NUP43: variants seen among roughly 807,000 people sequenced by gnomAD.
NUP43 encodes nucleoporin 43, also known as nucleoporin Nup43.
A neutral mutation model predicts 47.3 loss-of-function variants in NUP43; 32 were observed. The observed-to-expected ratio is 0.68, with a 90% CI of 0.51 to 0.91. The LOEUF is 0.91. Among genes scored for constraint, NUP43 ranks in the 40% least tolerant of loss-of-function variants. The pLI, the probability that NUP43 is intolerant of heterozygous loss-of-function variation, is 0.00. For missense variants in NUP43, 444 were observed against 453.9 expected (o/e 0.98, Z 0.20); for synonymous variants, 147 against 158.4 (o/e 0.93, Z 0.54).
At chr6:149,731,933 G>A (rs914503314) in intron 6 of NUP43, among the ~76,000 whole-genome samples, 198 bp from the exon 7 acceptor site, 4 of 152,024 alleles carry the variant, frequency 2.6e-5, no homozygotes, top group Non-Finnish European at 2.9e-5. Flanking sequence ...ACATAGAAAG[G>A]AAAAAGAACA....
chr6:149,736,636 TA>T lies in NUP43; in HGVS notation c.639-15del. 3 of 1,566,754 alleles carry T rather than the reference TA, an allele frequency of 1.9e-6. No individual in the cohort carries two copies. The highest frequency in any genetic ancestry group is 3.4e-4 in the Middle Eastern group (2 of 5,898). ...CGGTCACCAGTCCTTTTGTGGGAGATAACAATGACGTCAAAATCAAATAAAG... is the reference window on the plus strand; with the variant it reads ...CGGTCACCAGTCCTTTTGTGGGAGATACAATGACGTCAAAATCAAATAAAG... On this transcript the variant is annotated splice_polypyrimidine_tract_variant and intron_variant, in intron 5 of 7. Coordinates refer to ENST00000340413, the MANE Select transcript of NUP43 (RefSeq NM_198887.3).
At position 149,743,684 on chromosome 6, in the gene NUP43, G is replaced by T. The variant is rs758761085; in HGVS notation, c.275C>A (p.Ser92Ter). ...FFDQERIVAA[S>*]STGCVTVFLH... ...GAAAACTGTTACACATCCTGTTGATGAAGCAGCGACAATTCTTTCCTGGTC... is the reference window on the plus strand; with the variant it reads ...GAAAACTGTTACACATCCTGTTGATTAAGCAGCGACAATTCTTTCCTGGTC... The change falls in exon 3 of 8, where the codon TCA becomes TAA. Residue 92 changes from serine (S) to a stop codon, truncating the protein, a stop_gained. Coordinates refer to ENST00000340413, the MANE Select transcript of NUP43 (RefSeq NM_198887.3). LOFTEE classifies it high-confidence loss of function. 6 of 1,611,288 alleles carry T rather than the reference G, an allele frequency of 3.7e-6. No individual in the cohort carries two copies. Among genetic ancestry groups the T allele is most frequent in the Non-Finnish European group, 5.1e-6 (6 of 1,178,146 alleles).
upstream of NUP43, among the ~76,000 whole-genome samples, chr6:149,747,168 C>A (rs1045930804): frequency 3.3e-5 from 5 of 152,166 alleles, no homozygotes; most frequent in African/African-American, 1.2e-4. Flanking sequence ...TTGGTTACAC[C>A]TATAATATTC....
At chr6:149,730,269 A>G (rs556622471) in intron 7 of NUP43, among the ~76,000 whole-genome samples, 242 of 151,888 alleles carry the variant, frequency 1.6e-3, no homozygotes, top group African/African-American at 5.4e-3. Context: ...TTGGCCTCCC[A>G]AAGTGCTGGG....
chr6:149,737,635 T>C (rs1329751469), intron 5 of NUP43, among the ~76,000 whole-genome samples: 1 of 152,108 alleles, frequency 6.6e-6, no homozygotes, highest in African/African-American at 2.4e-5. Flanking sequence ...CTTTTTTTTA[T>C]TTGAGACAGA....
chr6:149,742,973 C>T (rs1054961748), intron 3 of NUP43, among the ~76,000 whole-genome samples: 10 of 151,794 alleles, frequency 6.6e-5, no homozygotes, highest in East Asian at 3.9e-4. Context: ...ATCAGGGGTT[C>T]GAGACCAGCC....
chr6:149,744,811 G>A (rs1212747739), intron 2 of NUP43, among the ~76,000 whole-genome samples: 5 of 151,662 alleles, frequency 3.3e-5, no homozygotes, highest in South Asian at 2.1e-4. Flanking sequence ...ACTCCAGCTC[G>A]GGTGACAGTA....
chr6:149,739,267 C>T (rs1423971128), intron 4 of NUP43, among the ~76,000 whole-genome samples: 4 of 151,848 alleles, frequency 2.6e-5, no homozygotes, highest in Non-Finnish European at 1.5e-5. Flanking sequence ...CTTGAGCCAC[C>T]ACGCCTGGCC....
In NUP43 at chr6:149,746,479, G is replaced by A. The variant is rs1562387182; in HGVS notation, c.17C>T (p.Ala6Val). The A allele has an allele frequency of 2.5e-6, 4 of 1,614,158 alleles. No homozygotes were observed. The highest frequency in any genetic ancestry group is 3.4e-6 in the Non-Finnish European group (4 of 1,180,028). MEEIYAKFVSQKISKT... is the reference protein window; with the variant it reads MEEIYVKFVSQKISKT... Reference sequence around the variant, plus strand: ...GCTGATTTTCTGGGACACAAACTTCGCATAAATTTCCTCCATGCCGAAAGC... The same window carrying A: ...GCTGATTTTCTGGGACACAAACTTCACATAAATTTCCTCCATGCCGAAAGC... The change falls in exon 1 of 8, where the codon GCG (alanine) becomes GTG (valine). Residue 6 changes from alanine to valine, a missense_variant. By Grantham distance (64) the Ala-to-Val change is moderately conservative. Coordinates refer to ENST00000340413, the MANE Select transcript of NUP43 (RefSeq NM_198887.3).
At chr6:149,736,036 A>C (rs1445210814) in intron 6 of NUP43, among the ~76,000 whole-genome samples, 1 of 149,168 alleles carries the variant, frequency 6.7e-6, no homozygotes, top group Admixed American at 6.8e-5. Context: ...CCAGCACTTT[A>C]GGAGGCCGAG....
In NUP43 at chr6:149,726,894, T is replaced by A. The variant is rs1784811299; in HGVS notation, c.*75A>T. Reference sequence around the variant, plus strand: ...CTGCAAATCTCGTATTTTCTGATACTAAAATTTTGCACAGAAGTTGGATTT... The same window carrying A: ...CTGCAAATCTCGTATTTTCTGATACAAAAATTTTGCACAGAAGTTGGATTT... On this transcript the variant is annotated 3_prime_UTR_variant, in exon 8 of 8. Coordinates refer to ENST00000340413, the MANE Select transcript of NUP43 (RefSeq NM_198887.3). 8.8e-7 allele frequency: 1 copy of A among 1,131,340 alleles called. No individual in the cohort carries two copies. Among genetic ancestry groups the A allele is most frequent in the Admixed American group, 2.0e-5 (1 of 49,978 alleles). 70.1% of individuals were successfully genotyped at this position (1,131,340 alleles called of 1,614,324 possible).
In NUP43 at chr6:149,731,717, T is replaced by G. The variant is rs754376500; in HGVS notation, c.809A>C (p.His270Pro). The G allele has an allele frequency of 6.2e-7, 1 of 1,613,836 alleles. No individual in the cohort carries two copies. Among genetic ancestry groups the G allele is most frequent in the Non-Finnish European group, 8.5e-7 (1 of 1,179,848 alleles). Residue 270 changes from histidine to proline, a missense_variant, in exon 7 of 8, where the codon CAC (histidine) becomes CCC (proline). By Grantham distance (77) the His-to-Pro change is moderately conservative. Coordinates refer to ENST00000340413, the MANE Select transcript of NUP43 (RefSeq NM_198887.3). The part of the protein sequence containing the change: ...HEAEMWEVHF[H>P]PSNPEHLFTC... ...AAAAAGATGTTCTGGGTTGGATGGG[T>G]GAAAGTGAACTTCCCACACTAAGAG... is the stretch of plus-strand genomic sequence containing the variant.
At chr6:149,742,290 T>C (rs1362110139) in intron 4 of NUP43, 100 bp downstream of exon 4, 1 of 1,070,648 alleles carries the variant, frequency 9.3e-7, no homozygotes, top group Non-Finnish European at 1.4e-6. Context: ...CCTCCCAAAG[T>C]GCTGCAATTG....
rs1430362165 is a variant in NUP43, at chr6:149,726,609, C to T, written c.*360G>A. 1 of 266,178 alleles carries T rather than the reference C, an allele frequency of 3.8e-6. No individual in the cohort carries two copies. The highest frequency in any genetic ancestry group is 7.4e-6 in the Non-Finnish European group (1 of 135,848). The allele number at this position is 266,178 out of a possible 1,614,324, so 16.5% of individuals were successfully genotyped here. The stretch of plus-strand genomic sequence containing the variant: ...TACTACTGATAAAAATTGTAGGAAC[C>T]CATTGGTAGTTCCCATAACCACCAT... On this transcript the variant is annotated 3_prime_UTR_variant, in exon 8 of 8. Coordinates refer to ENST00000340413, the MANE Select transcript of NUP43 (RefSeq NM_198887.3).
intron 7 of NUP43, chr6:149,729,463 T>A: frequency 1.1e-6 from 1 of 934,484 alleles, no homozygotes; most frequent in Non-Finnish European, 1.3e-6. Context: ...CTGCTCCAGG[T>A]TTCTGGCAAC....
At chr6:149,746,539 A>C, upstream of NUP43, 1 of 1,613,650 alleles carries the variant, frequency 6.2e-7, no homozygotes, top group Non-Finnish European at 8.5e-7. Flanking sequence ...CAAGCACAGT[A>C]CGCGCCTCTC....
Position 149,727,059 on chromosome 6 carries a change from C to A in NUP43, c.1053G>T (p.Leu351=). Residue 351 remains leucine (L), a synonymous_variant, in exon 8 of 8, where the codon CTG becomes CTT. Coordinates refer to ENST00000340413, the MANE Select transcript of NUP43 (RefSeq NM_198887.3). ...CTAAAACATCCAAAGTGTTCACAGA[C>A]AGAGACCTACTGGGAAGTAAGCTTG... ...EITSLLPSRS[L]SVNTLDVLGP... is the part of the protein sequence containing the mutation. The A allele has an allele frequency of 6.2e-7, 1 of 1,614,142 alleles. No homozygotes were observed. Among genetic ancestry groups the A allele is most frequent in the African/African-American group, 1.3e-5 (1 of 75,050 alleles).
upstream of NUP43, among the ~76,000 whole-genome samples, chr6:149,748,701 C>T (rs1468004746): frequency 2.7e-5 from 4 of 148,524 alleles, no homozygotes; most frequent in African/African-American, 7.5e-5. Context: ...CCCAGCTACT[C>T]GGGAGGCTGA....
chr6:149,731,676 C>T lies in NUP43; in HGVS notation c.850G>A (p.Gly284Arg). The T allele has an allele frequency of 2.5e-6, 4 of 1,613,700 alleles. No individual in the cohort carries two copies. The highest frequency in any genetic ancestry group is 1.3e-5 in the African/African-American group (1 of 74,954). ...GAAGCATCCCAGTGCCAGAGGGATC[C>T]ATCTTCAGAGCAGGTAAAAAGATGT... is the stretch of plus-strand genomic sequence containing the variant. ...PEHLFTCSED[G>R]SLWHWDASTD... Residue 284 changes from glycine (G) to arginine (R), a missense_variant, in exon 7 of 8, where the codon GGA becomes AGA. Coordinates refer to ENST00000340413, the MANE Select transcript of NUP43 (RefSeq NM_198887.3).
Sources: allele counts gnomAD v4.1 joint callset (sites outside exome capture counted in the v4.1 genomes callset), GRCh38; gene constraint gnomAD v4.1.1; transcripts MANE v1.5; gene names NCBI Gene and HGNC (gene_info 2026-07-23, HGNC 2026-07-21).